DNAH7: variants seen among roughly 807,000 people sequenced by gnomAD.
DNAH7 encodes the protein dynein axonemal heavy chain 7.
In DNAH7, 397 loss-of-function variants were observed where a neutral mutation model predicts 444.6. The observed-to-expected ratio is 0.89, with a 90% CI of 0.82 to 0.97. The LOEUF is 0.97. DNAH7 is among the 50% of genes least tolerant of loss of function. The pLI, the probability that DNAH7 is intolerant of heterozygous loss-of-function variation, is 0.00. For synonymous variants in DNAH7, 1,636 were observed against 1,624.4 expected, an observed-to-expected ratio of 1.01 and a Z score of -0.17; for missense variants, 4,902 against 4,800.8, an observed-to-expected ratio of 1.02 and a Z score of -0.62.
At chr2:195,897,576 G>T in intron 29 of DNAH7, 91 bp downstream of exon 29, 1 of 688,716 alleles carries the variant, frequency 1.5e-6, no homozygotes, top group Non-Finnish European at 2.5e-6. Context: ...CTGTGTCATT[G>T]TTTTCCATAG....
chr2:196,044,262 T>G (rs148894227), intron 5 of DNAH7, among the ~76,000 whole-genome samples: 2 of 151,342 alleles, frequency 1.3e-5, no homozygotes, highest in East Asian at 3.9e-4. Context: ...GGAATACTAC[T>G]AAAAAGGAAT....
intron 10 of DNAH7, among the ~76,000 whole-genome samples, chr2:196,006,345 G>C (rs561162194): frequency 6.6e-6 from 1 of 152,080 alleles, no homozygotes; most frequent in African/African-American, 2.4e-5. Context: ...TGACCATGTA[G>C]AATCTACCTC....
rs776073342 is a variant in DNAH7 at position 195,926,538 on chromosome 2, G to C, written c.3500C>G (p.Thr1167Arg). 1 of 1,600,360 alleles carries C rather than the reference G, an allele frequency of 6.2e-7. No individual in the cohort carries two copies. Among genetic ancestry groups the C allele is most frequent in the Non-Finnish European group, 8.5e-7 (1 of 1,174,702 alleles). Residue 1167 changes from threonine to arginine, a missense_variant, in exon 22 of 65, where the codon ACA becomes AGA. By Grantham distance (71) the Thr-to-Arg change is moderately conservative (BLOSUM62 -1). Coordinates refer to ENST00000312428, the MANE Select transcript of DNAH7 (RefSeq NM_018897.3). ...KVTGDATFAYTKYERINWVRD... is the reference protein window; with the variant it reads ...KVTGDATFAYRKYERINWVRD... ...TACCCAGTTAATTCGTTCATATTTT[G>C]TATAGGCAAAAGTTGCATCTCCAGT...
intron 8 of DNAH7, among the ~76,000 whole-genome samples, chr2:196,020,901 C>T (rs1355207156): frequency 4.6e-5 from 7 of 152,064 alleles, no homozygotes; most frequent in Middle Eastern, 3.4e-3. Context: ...CGTAAGCCAC[C>T]GCACTTGGCC....
chr2:195,970,409 CAAAT>C (rs534778130), intron 16 of DNAH7, among the ~76,000 whole-genome samples: 9 of 151,956 alleles, frequency 5.9e-5, no homozygotes, highest in South Asian at 2.1e-4. Flanking sequence ...TTTATGCAAA[CAAAT>C]AATTTATCAG....
intron 40 of DNAH7, among the ~76,000 whole-genome samples, chr2:195,871,728 G>A (rs1392013216): frequency 2.4e-5 from 2 of 83,978 alleles, no homozygotes; most frequent in Admixed American, 1.0e-4. Flanking sequence ...TCAGGAGATC[G>A]AGACCATCCC....
chr2:195,848,168 C>T (rs1699127064), intron 46 of DNAH7, among the ~76,000 whole-genome samples: 1 of 152,174 alleles, frequency 6.6e-6, no homozygotes, highest in East Asian at 1.9e-4. Context: ...CCATCTCCCT[C>T]AGGCTCCTGC....
Position 195,888,796 on chromosome 2 carries a change from T to TA in DNAH7, c.5229+2dup, listed in dbSNP as rs767813875. The TA allele has an allele frequency of 1.2e-5, 20 of 1,609,286 alleles. No individual in the cohort carries two copies. Among genetic ancestry groups the TA allele is most frequent in the Non-Finnish European group, 1.7e-5 (20 of 1,178,330 alleles). On this transcript the variant is annotated splice_region_variant and intron_variant, in intron 32 of 64. Coordinates refer to ENST00000312428, the MANE Select transcript of DNAH7 (RefSeq NM_018897.3). The stretch of plus-strand genomic sequence containing the variant: ...TAAAAAGATGTCAAAATGGAGAACT[T>TA]ACAGTGGCAGGGGAAGCAACTTCTA...
intron 5 of DNAH7, among the ~76,000 whole-genome samples, chr2:196,038,429 A>G (rs1020869681): frequency 9.2e-5 from 14 of 152,224 alleles, no homozygotes; most frequent in Admixed American, 9.2e-4. Context: ...AACAAAGGCC[A>G]TATAAAACAA....
At chr2:195,894,764 A>T (rs1300222771) in intron 30 of DNAH7, 2 of 368,350 alleles carry the variant, frequency 5.4e-6, no homozygotes, top group Non-Finnish European at 9.4e-6. Flanking sequence ...TTAAAAAAGA[A>T]ATAAAAGGTC....
intron 48 of DNAH7, among the ~76,000 whole-genome samples, chr2:195,826,501 C>T (rs896488980): frequency 2.6e-5 from 4 of 152,190 alleles, no homozygotes; most frequent in Non-Finnish European, 4.4e-5. Flanking sequence ...CTGGCTCCTT[C>T]GTCGCTCTCT....
intron 17 of DNAH7, among the ~76,000 whole-genome samples, chr2:195,969,418 A>G (rs1691696442): frequency 6.6e-6 from 1 of 152,198 alleles, no homozygotes; most frequent in Non-Finnish European, 1.5e-5. Context: ...AACTCTGTAA[A>G]TATCTTATAT....
At chr2:195,945,854 A>C (rs527552368) in intron 19 of DNAH7, among the ~76,000 whole-genome samples, 1 of 152,288 alleles carries the variant, frequency 6.6e-6, no homozygotes, top group Admixed American at 6.5e-5. Flanking sequence ...TGAGTCAAAA[A>C]CCAAGTTTGG....
intron 63 of DNAH7, 69 bp from the exon 64 acceptor site, chr2:195,740,938 AT>A: frequency 1.1e-6 from 1 of 945,442 alleles, no homozygotes; most frequent in South Asian, 2.7e-5. Context: ...TGAATCTGAA[AT>A]TTCTACATGT....
In DNAH7 at chr2:195,932,913, G is replaced by T. The variant is rs1471121642; in HGVS notation, c.3471+1678C>A. On this transcript the variant is annotated intron_variant, in intron 21 of 64. Transcript: ENST00000312428. ...GCTGTGTCTCTGCCAGGCTTTGGTA[G>T]CAGGATGATGCTGGCCTCATAAAAT... Among the ~76,000 whole-genome samples, 6 of 152,106 alleles carry T rather than the reference G, an allele frequency of 3.9e-5. No homozygotes were observed. In the East Asian group the frequency reaches 7.7e-4, roughly 20 times the overall value.
At chr2:195,769,605 G>A (rs1319476875) in intron 61 of DNAH7, among the ~76,000 whole-genome samples, 1 of 151,860 alleles carries the variant, frequency 6.6e-6, no homozygotes. Flanking sequence ...TGGGTCTAGG[G>A]GGTAAAGGTG....
intron 3 of DNAH7, among the ~76,000 whole-genome samples, chr2:196,050,078 T>C (rs1472837732): frequency 6.6e-6 from 1 of 152,250 alleles, no homozygotes; most frequent in African/African-American, 2.4e-5. Flanking sequence ...TCAAGTTTCC[T>C]AAGCGAAACT....
At chr2:195,744,278 G>C (rs1409378491) in intron 63 of DNAH7, among the ~76,000 whole-genome samples, 1 of 152,224 alleles carries the variant, frequency 6.6e-6, no homozygotes, top group Non-Finnish European at 1.5e-5. Flanking sequence ...AGCAGTCTGA[G>C]ATCAAACTGC....
rs1184556160 is a variant in DNAH7 at position 196,001,687 on chromosome 2, A to T, written c.1161T>A (p.Ile387=). Residue 387 remains isoleucine (I), a synonymous_variant, in exon 11 of 65, where the codon ATT becomes ATA. Transcript: ENST00000312428. The part of the protein sequence containing the change: ...LVSMQDFTDL[I]AQPPDSVRAF... ...GAACCATACTTACTGGGGGTTGTGC[A>T]ATTAAGTCCGTGAAATCTTGCATGG... 1.9e-6 allele frequency: 3 copies of T among 1,572,328 alleles called. No individual in the cohort carries two copies. The highest frequency in any genetic ancestry group is 2.6e-6 in the Non-Finnish European group (3 of 1,159,656).
Sources: gnomAD v4.1 joint callset for allele counts (sites outside exome capture counted in the v4.1 genomes callset) on GRCh38, gnomAD v4.1.1 for gene constraint, MANE v1.5 for transcripts, NCBI Gene and HGNC (gene_info 2026-07-23, HGNC 2026-07-21) for gene names.